FNIP2: variants seen among roughly 807,000 people sequenced by gnomAD.
FNIP2 encodes folliculin interacting protein 2.
Under a neutral mutation model 108.7 loss-of-function variants are expected in FNIP2, and 32 were observed. The ratio of observed to expected loss-of-function variants is 0.29; its 90% CI spans 0.22 to 0.40. The LOEUF is 0.40. Ranked by LOEUF, FNIP2 falls within the 10% of genes least tolerant of loss-of-function variation. The pLI, the probability that FNIP2 is intolerant of heterozygous loss-of-function variation, is 1.00. For missense variants in FNIP2, 1,202 were observed against 1,381.6 expected (o/e 0.87, Z 2.06); for synonymous variants, 480 against 496.7 (o/e 0.97, Z 0.45).
chr4:158,791,821 T>C (rs908016620), intron 1 of FNIP2, among the ~76,000 whole-genome samples: 3 of 152,070 alleles, frequency 2.0e-5, no homozygotes, highest in Admixed American at 6.6e-5. Flanking sequence ...ACATCAGTAA[T>C]CTCGAGTGCA....
intron 14 of FNIP2, among the ~76,000 whole-genome samples, chr4:158,884,148 TAGAAA>T (rs950964686): frequency 6.6e-6 from 1 of 152,122 alleles, no homozygotes. Flanking sequence ...ATGTGGTACA[TAGAAA>T]AGAAATATAT....
intron 1 of FNIP2, among the ~76,000 whole-genome samples, chr4:158,770,601 C>T (rs949333848): frequency 4.6e-5 from 7 of 152,088 alleles, no homozygotes; most frequent in African/African-American, 1.7e-4. Flanking sequence ...TTGTGAGGAC[C>T]TTAAACTCCC....
intron 1 of FNIP2, among the ~76,000 whole-genome samples, chr4:158,781,129 AAACT>A (rs1375446288): frequency 1.3e-5 from 2 of 152,202 alleles, no homozygotes; most frequent in African/African-American, 4.8e-5. Context: ...GATGTGTGAA[AAACT>A]AATTAATAAT....
chr4:158,798,975 G>C (rs1303055130), intron 1 of FNIP2, among the ~76,000 whole-genome samples: 3 of 152,234 alleles, frequency 2.0e-5, no homozygotes, highest in Non-Finnish European at 2.9e-5. Flanking sequence ...GTAAATGTAA[G>C]AGAGAAGGCT....
chr4:158,851,459 C>T lies in FNIP2; in HGVS notation c.857+9C>T, dbSNP rs1364574143. The T allele has an allele frequency of 6.2e-7, 1 of 1,613,674 alleles. No homozygotes were observed. Among genetic ancestry groups the T allele is most frequent in the African/African-American group, 1.3e-5 (1 of 74,914 alleles). On this transcript the variant is annotated intron_variant, in intron 8 of 16. Coordinates refer to ENST00000264433, the MANE Select transcript of FNIP2 (RefSeq NM_020840.3). Reference sequence around the variant, plus strand: ...GGCATCATCCCAAGAAGGTGAGTTGCAAGTTTCCTCTTGCTGAGAAAAGTA... The same window carrying T: ...GGCATCATCCCAAGAAGGTGAGTTGTAAGTTTCCTCTTGCTGAGAAAAGTA...
chr4:158,815,475 C>T (rs1212383250), intron 1 of FNIP2, among the ~76,000 whole-genome samples: 1 of 151,292 alleles, frequency 6.6e-6, no homozygotes, highest in Non-Finnish European at 1.5e-5. Flanking sequence ...CTCCGCCTCT[C>T]GGGTTCACGC....
At chr4:158,778,809 C>G (rs1728959841) in intron 1 of FNIP2, among the ~76,000 whole-genome samples, 1 of 152,204 alleles carries the variant, frequency 6.6e-6, no homozygotes, top group South Asian at 2.1e-4. Flanking sequence ...TACCAGTCCT[C>G]TACTGATGGA....
Position 158,829,178 on chromosome 4 carries a change from T to C in FNIP2, c.334T>C (p.Ser112Pro), listed in dbSNP as rs761505192. Residue 112 changes from serine to proline, a missense_variant, in exon 3 of 17, where the codon TCT becomes CCT. This residue lies in a region of FNIP2 where 173 missense variants were observed against 165.9 expected (regional missense o/e 1.04). Transcript: ENST00000264433. Reference protein sequence around the residue: ...SSSSISSHSSSGGSSHHAKEQ... With the variant: ...SSSSISSHSSPGGSSHHAKEQ... ...CAGCAGCATCTCTTCCCACAGTTCT[T>C]CTGGGGGATCTTCACATCATGCTAA... 6.2e-7 allele frequency: 1 copy of C among 1,612,786 alleles called. No individual in the cohort carries two copies. The highest frequency in any genetic ancestry group is 8.5e-7 in the Non-Finnish European group (1 of 1,179,406).
intron 3 of FNIP2, among the ~76,000 whole-genome samples, chr4:158,830,185 A>G (rs1331044997): frequency 1.3e-5 from 2 of 151,708 alleles, no homozygotes; most frequent in African/African-American, 2.4e-5. Flanking sequence ...AGTGGGAAGA[A>G]GTTGGTTTGA....
At chr4:158,900,831 T>A (rs531339706) in intron 16 of FNIP2, among the ~76,000 whole-genome samples, 16 of 152,304 alleles carry the variant, frequency 1.1e-4, no homozygotes, top group Middle Eastern at 3.4e-3. Context: ...TAGCCCGTAT[T>A]TGATTTAAGG....
rs1778759437 is a variant in FNIP2 at position 158,835,696 on chromosome 4, G to GA, written c.727+221dup. On this transcript the variant is annotated intron_variant, in intron 7 of 16. Transcript: ENST00000264433. ...TTTTTTCTAACACTCAAATTTATAT[G>GA]AGACTAATGTTTGTTAAGAAATTTC... 1.2e-5 allele frequency: 4 copies of GA among 328,860 alleles called. 1 individual carries two copies. In the East Asian group the frequency reaches 2.3e-4, roughly 19 times the overall value. 20.4% of individuals were successfully genotyped at this position (328,860 alleles called of 1,614,324 possible).
At chr4:158,793,757 C>T (rs1481026919) in intron 1 of FNIP2, among the ~76,000 whole-genome samples, 1 of 152,200 alleles carries the variant, frequency 6.6e-6, no homozygotes, top group Non-Finnish European at 1.5e-5. Context: ...TTTGAAGTTT[C>T]ACTGACAATT....
At chr4:158,810,051 A>C (rs980702517) in intron 1 of FNIP2, among the ~76,000 whole-genome samples, 1 of 152,236 alleles carries the variant, frequency 6.6e-6, no homozygotes, top group Admixed American at 6.5e-5. Flanking sequence ...GGGATTACTG[A>C]CTAGGAAATA....
At chr4:158,830,203 C>T (rs964278569) in intron 3 of FNIP2, among the ~76,000 whole-genome samples, 6 of 149,244 alleles carry the variant, frequency 4.0e-5, no homozygotes, top group African/African-American at 1.5e-4. Flanking sequence ...TGAGCTATAA[C>T]GAGAGAGAGG....
At chr4:158,826,087 A>G in intron 2 of FNIP2, 45 bp downstream of exon 2, 1 of 1,584,872 alleles carries the variant, frequency 6.3e-7, no homozygotes, top group South Asian at 1.1e-5. Flanking sequence ...TGTGCTTTTA[A>G]CCACCCTTCT....
chr4:158,782,881 G>T (rs1042811490), intron 1 of FNIP2, among the ~76,000 whole-genome samples: 14 of 152,148 alleles, frequency 9.2e-5, no homozygotes, highest in African/African-American at 2.4e-4. Context: ...CAAGGGAAGC[G>T]CACAACCTCT....
Position 158,881,449 on chromosome 4 carries a change from CT to C in FNIP2, c.2950-9994del, listed in dbSNP as rs1781619166. On this transcript the variant is annotated intron_variant, in intron 14 of 16. Coordinates refer to ENST00000264433, the MANE Select transcript of FNIP2 (RefSeq NM_020840.3). ...CTTTCCACGGTCTCCCTCTCCCTCT[CT>C]TTCCACGGTCTCCCTCTCCCTCTCT... Among the ~76,000 whole-genome samples, 3 of 149,160 alleles carry C rather than the reference CT, an allele frequency of 2.0e-5. 1 individual carries two copies. The highest frequency in any genetic ancestry group is 5.0e-5 in the African/African-American group (2 of 40,382).
chr4:158,870,507 G>A, intron 14 of FNIP2, 38 bp downstream of exon 14: 1 of 1,571,526 alleles, frequency 6.4e-7, no homozygotes, highest in Non-Finnish European at 8.6e-7. Flanking sequence ...GCTGCTGACA[G>A]TGTGTCAGTC....
chr4:158,857,710 A>T (rs1415142202), intron 8 of FNIP2, among the ~76,000 whole-genome samples: 1 of 150,522 alleles, frequency 6.6e-6, no homozygotes, highest in Non-Finnish European at 1.5e-5. Context: ...TGGGACACTG[A>T]GGTGGAAGGA....
Sources: allele counts gnomAD v4.1 joint callset (sites outside exome capture counted in the v4.1 genomes callset), GRCh38; gene constraint gnomAD v4.1.1; regional missense constraint gnomAD v4.1.1; transcripts MANE v1.5; gene names NCBI Gene and HGNC (gene_info 2026-07-23, HGNC 2026-07-21).